NR5A2: variants seen among roughly 807,000 people sequenced by gnomAD.
NR5A2 encodes nuclear receptor subfamily 5 group A member 2.
NR5A2 carries 26 observed loss-of-function variants against 62.7 expected under a neutral mutation model. The observed-to-expected ratio is 0.41, with a 90% CI of 0.30 to 0.58. The LOEUF is 0.58. Among genes scored for constraint, NR5A2 ranks in the 20% least tolerant of loss-of-function variants. NR5A2 has a pLI of 0.22. For missense variants in NR5A2, 541 were observed against 669.1 expected, an observed-to-expected ratio of 0.81 and a Z score of 2.11; for synonymous variants, 246 against 241.7, an observed-to-expected ratio of 1.02 and a Z score of -0.16.
At chr1:200,115,036 C>CTT (rs11421699) in intron 6 of NR5A2, among the ~76,000 whole-genome samples, 5 of 151,840 alleles carry the variant, frequency 3.3e-5, no homozygotes, top group African/African-American at 4.8e-5. Flanking sequence ...AATGGATATG[C>CTT]TTTTTTTGTG....
At chr1:200,161,602 G>A (rs1450537245) in intron 7 of NR5A2, among the ~76,000 whole-genome samples, 1 of 152,056 alleles carries the variant, frequency 6.6e-6, no homozygotes, top group Admixed American at 6.5e-5. Flanking sequence ...CATATCAAAT[G>A]GTTTTCCTTC....
intron 5 of NR5A2, among the ~76,000 whole-genome samples, chr1:200,096,487 C>T (rs1307431271): frequency 6.6e-6 from 1 of 152,110 alleles, no homozygotes; most frequent in African/African-American, 2.4e-5. Flanking sequence ...TATGTGGTAA[C>T]AACCCTTCTC....
intron 7 of NR5A2, among the ~76,000 whole-genome samples, chr1:200,172,626 A>G (rs905427580): frequency 6.6e-6 from 1 of 152,228 alleles, no homozygotes; most frequent in Non-Finnish European, 1.5e-5. Context: ...ATGCAAAGCT[A>G]TGGCCCAAAT....
At position 200,064,693 on chromosome 1, in the gene NR5A2, C is replaced by T. The variant is rs16845857; in HGVS notation, c.1110+15875C>T. On this transcript the variant is annotated intron_variant, in intron 5 of 7. Coordinates refer to ENST00000367362, the MANE Select transcript of NR5A2 (RefSeq NM_205860.3). Reference sequence around the variant, plus strand: ...TGCCCACCACATAATGTCATGATTTCGGTCCTGGTATAGGATTTTCCTTAA... The same window carrying T: ...TGCCCACCACATAATGTCATGATTTTGGTCCTGGTATAGGATTTTCCTTAA... Among the ~76,000 whole-genome samples, 852 of 152,270 alleles carry T rather than the reference C, an allele frequency of 5.6e-3. 5 individuals carry two copies. Among genetic ancestry groups the T allele is most frequent in the African/African-American group, 0.02 (817 of 41,558 alleles).
rs59372153 is a variant in NR5A2, at chr1:200,143,045, ATGTG to A, written c.1378+22103_1378+22106del. Among the ~76,000 whole-genome samples the A allele has an allele frequency of 0.024, 3,690 of 150,720 alleles. 213 individuals are homozygous for A. In the East Asian group the frequency reaches 0.25, roughly 10 times the overall value. On this transcript the variant is annotated intron_variant, in intron 7 of 7. Coordinates refer to ENST00000367362, the MANE Select transcript of NR5A2 (RefSeq NM_205860.3). ...TGCTGTATGTAAAAAGTGTGTGTGT[ATGTG>A]TGTGTGTGTGTGGTTTTTCACATTA...
Position 200,084,947 on chromosome 1 carries a change from C to T in NR5A2, c.1111-26255C>T, listed in dbSNP as rs115588631. Among the ~76,000 whole-genome samples, 1,020 of 152,276 alleles carry T rather than the reference C, an allele frequency of 6.7e-3. 14 individuals carry two copies. Among genetic ancestry groups the T allele is most frequent in the African/African-American group, 0.023 (939 of 41,548 alleles). ...CATTAAGAACTCAATCATAGTGCCG[C>T]ATTGTGAGCCGTTTGTACCGGATCT... On this transcript the variant is annotated intron_variant, in intron 5 of 7. Transcript: ENST00000367362.
At chr1:200,084,546 CACTT>C (rs1419597293) in intron 5 of NR5A2, among the ~76,000 whole-genome samples, 1 of 152,156 alleles carries the variant, frequency 6.6e-6, no homozygotes, top group East Asian at 1.9e-4. Flanking sequence ...TGGATTTTCA[CACTT>C]ACTAGAATCT....
At chr1:200,055,367 G>A (rs58713455) in intron 5 of NR5A2, among the ~76,000 whole-genome samples, 9,189 of 152,072 alleles carry the variant, frequency 0.06, 277 homozygotes, top group Non-Finnish European at 0.08. Context: ...GTTTATTTTT[G>A]TATGTTTTAG....
intron 7 of NR5A2, among the ~76,000 whole-genome samples, chr1:200,135,083 G>C (rs1271816401): frequency 6.6e-6 from 1 of 152,196 alleles, no homozygotes; most frequent in Non-Finnish European, 1.5e-5. Flanking sequence ...AATACAAAAT[G>C]TGACTGGACT....
chr1:200,060,332 G>A (rs1254157644), intron 5 of NR5A2, among the ~76,000 whole-genome samples: 2 of 152,182 alleles, frequency 1.3e-5, no homozygotes, highest in African/African-American at 2.4e-5. Context: ...GAGAATGGGT[G>A]GAGCAGGCAA....
intron 5 of NR5A2, among the ~76,000 whole-genome samples, chr1:200,109,216 C>A (rs1394289994): frequency 6.6e-6 from 1 of 152,174 alleles, no homozygotes; most frequent in Non-Finnish European, 1.5e-5. Flanking sequence ...TGGTTTGAAA[C>A]ATTTCTGATG....
At chr1:200,067,961 A>G (rs537389389) in intron 5 of NR5A2, among the ~76,000 whole-genome samples, 1 of 152,278 alleles carries the variant, frequency 6.6e-6, no homozygotes, top group Admixed American at 6.5e-5. Flanking sequence ...TAAAGTGTGA[A>G]ATATTACCTT....
At chr1:200,091,837 GGT>G (rs1489114050) in intron 5 of NR5A2, among the ~76,000 whole-genome samples, 3 of 152,032 alleles carry the variant, frequency 2.0e-5, no homozygotes, top group Admixed American at 2.0e-4. Flanking sequence ...CTAACATTTT[GGT>G]GTGTGAGTGT....
chr1:200,162,184 C>T (rs1653673862), intron 7 of NR5A2, among the ~76,000 whole-genome samples: 1 of 152,224 alleles, frequency 6.6e-6, no homozygotes, highest in African/African-American at 2.4e-5. Flanking sequence ...ACAAGAGAGA[C>T]ATATCCCTGT....
chr1:200,089,471 A>T (rs1241449849), intron 5 of NR5A2, among the ~76,000 whole-genome samples: 1 of 144,214 alleles, frequency 6.9e-6, no homozygotes, highest in Non-Finnish European at 1.5e-5. Flanking sequence ...ACTTTGTACA[A>T]CTTTCTTTCT....
chr1:200,120,379 T>C (rs1470142774), intron 6 of NR5A2, among the ~76,000 whole-genome samples: 6 of 152,236 alleles, frequency 3.9e-5, no homozygotes, highest in Non-Finnish European at 8.8e-5. Flanking sequence ...TTTTATCTTA[T>C]GTGATGATGT....
Position 200,048,142 on chromosome 1 carries a change from C to T in NR5A2, c.464-30C>T, listed in dbSNP as rs756732739. 2.6e-6 allele frequency: 4 copies of T among 1,558,240 alleles called. No homozygotes were observed. The highest frequency in any genetic ancestry group is 3.5e-6 in the Non-Finnish European group (4 of 1,152,998). Reference sequence around the variant, plus strand: ...TAATTTGCACCTTATTTATACCTTTCCTTCCTTCCCCCCACCCCACCCCCA... The same window carrying T: ...TAATTTGCACCTTATTTATACCTTTTCTTCCTTCCCCCCACCCCACCCCCA... On this transcript the variant is annotated intron_variant, in intron 4 of 7. Transcript: ENST00000367362. This position sits in a 1 kb window ranked among gnomAD's most constrained non-coding sequence, Gnocchi z 4.8.
At chr1:200,043,723 C>A in intron 2 of NR5A2, 51 bp from the exon 3 acceptor site, 1 of 1,174,312 alleles carries the variant, frequency 8.5e-7, no homozygotes, top group Non-Finnish European at 1.3e-6. Context: ...AGGATTAACA[C>A]CTACATGTAA....
At chr1:200,148,198 G>C in intron 7 of NR5A2, 1 of 267,534 alleles carries the variant, frequency 3.7e-6, no homozygotes, top group Non-Finnish European at 7.1e-6. Context: ...CCTGTCCGTT[G>C]GGCCTATCAG....
Sources: allele counts gnomAD v4.1 joint callset (sites outside exome capture counted in the v4.1 genomes callset), GRCh38; gene constraint gnomAD v4.1.1; non-coding constraint Gnocchi (gnomAD v3.1); transcripts MANE v1.5; gene names NCBI Gene and HGNC (gene_info 2026-07-23, HGNC 2026-07-21).